The following FDCSP variants were observed in gnomAD, a reference collection of about 807,000 sequenced individuals.
FDCSP encodes the protein follicular dendritic cell secreted peptide.
Under a neutral mutation model 8.9 loss-of-function variants are expected in FDCSP, and 8 were observed. The ratio of observed to expected loss-of-function variants is 0.90; its 90% CI spans 0.53 to 1.63. The LOEUF is 1.63. Among genes scored for constraint, FDCSP ranks in the 40% most tolerant of loss-of-function variants. The pLI is 0.00. For missense variants in FDCSP, 101 were observed against 103.6 expected (o/e 0.98, Z 0.11); for synonymous variants, 34 against 34.5 (o/e 0.98, Z 0.06).
At chr4:70,230,226 A>G (rs1225155519) in intron 1 of FDCSP, among the ~76,000 whole-genome samples, 1 of 151,726 alleles carries the variant, frequency 6.6e-6, no homozygotes, top group East Asian at 1.9e-4. Flanking sequence ...CATATTCTTT[A>G]GCACATACTG....
At chr4:70,229,675 T>C (rs978238908) in intron 1 of FDCSP, among the ~76,000 whole-genome samples, 1 of 151,612 alleles carries the variant, frequency 6.6e-6, no homozygotes, top group African/African-American at 2.4e-5. Flanking sequence ...GAGGAAGAGA[T>C]AACTGGGGGC....
At chr4:70,232,557 C>T (rs1730103157) in intron 2 of FDCSP, among the ~76,000 whole-genome samples, 1 of 151,438 alleles carries the variant, frequency 6.6e-6, no homozygotes, top group Admixed American at 6.6e-5. Context: ...GCTGAACTAC[C>T]CATTTCTCAT....
intron 1 of FDCSP, among the ~76,000 whole-genome samples, chr4:70,229,790 A>G (rs1578247772): frequency 6.6e-6 from 1 of 151,718 alleles, no homozygotes; most frequent in Non-Finnish European, 1.5e-5. Context: ...AAGTAACACC[A>G]CCAAAGACCA....
chr4:70,231,832 GC>G, intron 2 of FDCSP, among the ~76,000 whole-genome samples: 1 of 151,640 alleles, frequency 6.6e-6, no homozygotes, highest in Non-Finnish European at 1.5e-5. Flanking sequence ...ATGTCTAACT[GC>G]CCCTGAAGAT....
rs371282539 is a variant in FDCSP, at chr4:70,234,227, T to C, written c.*28+12T>C. On this transcript the variant is annotated intron_variant, in intron 4 of 4. Transcript: ENST00000317987. Reference sequence around the variant, plus strand: ...TCACGATAAACCTGGTAAGTACACATAGTTACAATCATAGTTTATTTTAAG... The same window carrying C: ...TCACGATAAACCTGGTAAGTACACACAGTTACAATCATAGTTTATTTTAAG... 9.8e-6 allele frequency: 15 copies of C among 1,532,102 alleles called. No homozygotes were observed. Among genetic ancestry groups the C allele is most frequent in the African/African-American group, 5.6e-5 (4 of 71,384 alleles). The allele number at this position is 1,532,102 out of a possible 1,614,324, so 94.9% of individuals were successfully genotyped here. A position where few individuals can be genotyped will look rare whatever the true frequency, so the allele number is the denominator to read the frequency against.
At chr4:70,233,096 A>T in intron 3 of FDCSP, 70 bp downstream of exon 3, 1 of 1,366,824 alleles carries the variant, frequency 7.3e-7, no homozygotes, top group Non-Finnish European at 1.0e-6. Context: ...TGTTAAAGAT[A>T]TTGATTTATC....
intron 1 of FDCSP, among the ~76,000 whole-genome samples, chr4:70,227,810 G>A (rs1047717712): frequency 2.6e-5 from 4 of 151,780 alleles, no homozygotes; most frequent in Admixed American, 6.6e-5. Context: ...TGTATGTTAA[G>A]TGTAATAGCA....
intron 1 of FDCSP, among the ~76,000 whole-genome samples, chr4:70,230,215 A>G (rs1343159924): frequency 6.6e-6 from 1 of 151,726 alleles, no homozygotes; most frequent in Non-Finnish European, 1.5e-5. Context: ...AGAACCCCCC[A>G]CATATTCTTT....
chr4:70,228,168 T>A (rs146559813), intron 1 of FDCSP, among the ~76,000 whole-genome samples: 4 of 151,850 alleles, frequency 2.6e-5, no homozygotes, highest in Non-Finnish European at 4.4e-5. Flanking sequence ...ACCCTGCCAC[T>A]GCTTTATCAA....
At chr4:70,228,651 A>G (rs1730026787) in intron 1 of FDCSP, among the ~76,000 whole-genome samples, 1 of 151,868 alleles carries the variant, frequency 6.6e-6, no homozygotes, top group South Asian at 2.1e-4. Flanking sequence ...GAAACCTGAA[A>G]GTCAAATTTA....
At chr4:70,228,618 A>T (rs1005391924) in intron 1 of FDCSP, among the ~76,000 whole-genome samples, 2 of 151,852 alleles carry the variant, frequency 1.3e-5, no homozygotes, top group African/African-American at 2.4e-5. Flanking sequence ...CTATAGCCTT[A>T]CAAAATGTAT....
chr4:70,234,060 T>C lies in FDCSP; in HGVS notation c.131T>C (p.Phe44Ser). 6.2e-7 allele frequency: 1 copy of C among 1,607,320 alleles called. No homozygotes were observed. Among genetic ancestry groups the C allele is most frequent in the Non-Finnish European group, 8.5e-7 (1 of 1,176,280 alleles). ...SDELASGFFV[F>S]PYPYPFRPLP... ...GAATTAGCTTCAGGGTTTTTTGTGT[T>C]CCCTTACCCATATCCATTTCGCCCA... is the stretch of plus-strand genomic sequence containing the variant. The change falls in exon 4 of 5, where the codon TTC becomes TCC. Residue 44 changes from phenylalanine (F) to serine (S), a missense_variant. By Grantham distance (155) the Phe-to-Ser change is radical. Coordinates refer to ENST00000317987, the MANE Select transcript of FDCSP (RefSeq NM_152997.4).
At chr4:70,231,784 T>C (rs1262926169) in intron 2 of FDCSP, among the ~76,000 whole-genome samples, 2 of 151,638 alleles carry the variant, frequency 1.3e-5, no homozygotes, top group Non-Finnish European at 3.0e-5. Context: ...AGGTATTCCA[T>C]AAGAAACCAT....
chr4:70,227,589 G>A (rs2109683114), intron 1 of FDCSP, among the ~76,000 whole-genome samples: 1 of 151,180 alleles, frequency 6.6e-6, no homozygotes, highest in African/African-American at 2.4e-5. Flanking sequence ...TCTTTAAAAA[G>A]CTTTGTAATG....
chr4:70,231,850 G>T (rs534112118), intron 2 of FDCSP, among the ~76,000 whole-genome samples: 58 of 151,778 alleles, frequency 3.8e-4, no homozygotes, highest in African/African-American at 1.3e-3. Flanking sequence ...AGATCTTCCA[G>T]TAGGAAAAGA....
rs370692601 is a variant in FDCSP, at chr4:70,234,933, C to T, written c.*29-152C>T. Among the ~76,000 whole-genome samples, 70 of 151,588 alleles carry T rather than the reference C, an allele frequency of 4.6e-4. 2 individuals are homozygous for T. The South Asian group carries it at 0.013, about 29-fold the overall frequency. The stretch of plus-strand genomic sequence containing the variant: ...TACTACTTACCACTAAAGACCTTTG[C>T]TTTCTTTCTACATCTTGAGCAGATG... On this transcript the variant is annotated intron_variant, in intron 4 of 4. Transcript: ENST00000317987.
chr4:70,231,640 G>T (rs1222712943), intron 2 of FDCSP, among the ~76,000 whole-genome samples: 1 of 151,622 alleles, frequency 6.6e-6, no homozygotes, highest in Non-Finnish European at 1.5e-5. Context: ...ATTATGCACA[G>T]TTCATAATAA....
intron 4 of FDCSP, among the ~76,000 whole-genome samples, 160 bp downstream of exon 4, chr4:70,234,375 T>G (rs1400179708): frequency 6.6e-6 from 1 of 151,670 alleles, no homozygotes; most frequent in Non-Finnish European, 1.5e-5. Flanking sequence ...GTGTGTCCAC[T>G]CAGAAATACA....
At chr4:70,229,253 T>C (rs1730039532) in intron 1 of FDCSP, among the ~76,000 whole-genome samples, 1 of 151,734 alleles carries the variant, frequency 6.6e-6, no homozygotes, top group African/African-American at 2.4e-5. Flanking sequence ...TTCACATCTC[T>C]CAATCTTTGT....
Sources: allele counts gnomAD v4.1 joint callset (sites outside exome capture counted in the v4.1 genomes callset), GRCh38; gene constraint gnomAD v4.1.1; transcripts MANE v1.5; gene names NCBI Gene and HGNC (gene_info 2026-07-23, HGNC 2026-07-21).